RALGAPB: variants seen among roughly 807,000 people sequenced by gnomAD.
RALGAPB encodes Ral GTPase activating protein non-catalytic subunit beta, also known as ral GTPase-activating protein subunit beta.
In RALGAPB, 25 loss-of-function variants were observed where a neutral mutation model predicts 161.1. The ratio of observed to expected loss-of-function variants is 0.16; its 90% CI spans 0.11 to 0.22. The LOEUF (loss-of-function observed/expected upper bound fraction) is 0.22. Among genes scored for constraint, RALGAPB ranks in the 10% least tolerant of loss-of-function variants. RALGAPB has a pLI of 1.00. For missense variants in RALGAPB, 1,391 were observed against 1,815.2 expected, an observed-to-expected ratio of 0.77 and a Z score of 4.25; for synonymous variants, 629 against 626.1, an observed-to-expected ratio of 1.00 and a Z score of -0.07.
chr20:38,533,400 C>T (rs987366376), intron 15 of RALGAPB, among the ~76,000 whole-genome samples: 4 of 152,174 alleles, frequency 2.6e-5, no homozygotes, highest in African/African-American at 7.2e-5. Flanking sequence ...CAAGGTTGTC[C>T]CCTACCTTGG....
intron 22 of RALGAPB, 93 bp downstream of exon 22, chr20:38,554,169 TAA>T (rs202236409): frequency 7.4e-4 from 641 of 862,964 alleles, no homozygotes; most frequent in Non-Finnish European, 9.2e-4. Flanking sequence ...AGAAGCGAAT[TAA>T]AAAAAAAAAA....
chr20:38,562,742 A>G (rs2087829481), intron 24 of RALGAPB, 45 bp downstream of exon 24: 1 of 1,535,642 alleles, frequency 6.5e-7, no homozygotes, highest in African/African-American at 1.4e-5. Flanking sequence ...CTTGTTTGTT[A>G]GTCTTGTTTT....
chr20:38,546,384 C>T lies in RALGAPB; in HGVS notation c.2856C>T (p.Asn952=). The change falls in exon 19 of 30, where the codon AAC becomes AAT. Residue 952 remains asparagine (N), a synonymous_variant. Coordinates refer to ENST00000262879, the MANE Select transcript of RALGAPB (RefSeq NM_020336.4). ...GTTTCCGGTACTTTGTCTTGGATAA[C>T]AGTGTCATCCTGGCAATGCTGGAAC... ...KHSFRYFVLD[N]SVILAMLEQP... 6.2e-7 allele frequency: 1 copy of T among 1,614,068 alleles called. No individual in the cohort carries two copies.
intron 23 of RALGAPB, among the ~76,000 whole-genome samples, chr20:38,560,070 G>A (rs1275469134): frequency 1.3e-5 from 2 of 151,878 alleles, no homozygotes; most frequent in Non-Finnish European, 2.9e-5. Flanking sequence ...CAAATGATTT[G>A]TGAGCTCCTA....
intron 6 of RALGAPB, among the ~76,000 whole-genome samples, chr20:38,514,336 TA>T: frequency 6.6e-6 from 1 of 152,336 alleles, no homozygotes; most frequent in South Asian, 2.1e-4. Context: ...AGTCTCTTGA[TA>T]ACTGCCCAGT....
rs1383145634 is a variant in RALGAPB at position 38,569,831 on chromosome 20, G to A, written c.3955-57G>A. 24 of 1,365,108 alleles carry A rather than the reference G, an allele frequency of 1.8e-5. No homozygotes were observed. The East Asian group carries it at 4.6e-4, about 26-fold the overall frequency. The allele number at this position is 1,365,108 out of a possible 1,614,324, so 84.6% of individuals were successfully genotyped here. ...ATGAATGACTGGGTAGTTTTATTAA[G>A]CCAGTTTTTTGTTGCTGTTGTTTTT... On this transcript the variant is annotated intron_variant, in intron 26 of 29. Coordinates refer to ENST00000262879, the MANE Select transcript of RALGAPB (RefSeq NM_020336.4).
chr20:38,485,761 G>A lies in RALGAPB; in HGVS notation c.-30-2642G>A, dbSNP rs115408686. On this transcript the variant is annotated intron_variant, in intron 1 of 29. Transcript: ENST00000262879. ...TTTGTTAGTTTAATAGGTACAAAAT[G>A]ATACTTTAGTTGCCTTTGTGTTTTT... is the stretch of plus-strand genomic sequence containing the variant. 4.2e-3 allele frequency among the ~76,000 whole-genome samples: 643 copies of A among 152,178 alleles called. 3 individuals carry two copies. The highest frequency in any genetic ancestry group is 0.015 in the African/African-American group (619 of 41,524).
intron 11 of RALGAPB, 129 bp downstream of exon 11, chr20:38,525,074 A>G (rs1225101384): frequency 1.1e-6 from 1 of 939,398 alleles, no homozygotes; most frequent in Non-Finnish European, 1.6e-6. Flanking sequence ...GGCGACATTA[A>G]ATGAGTGTAG....
intron 6 of RALGAPB, among the ~76,000 whole-genome samples, chr20:38,513,276 G>A (rs144637064): frequency 5.9e-5 from 9 of 151,966 alleles, no homozygotes; most frequent in Non-Finnish European, 1.0e-4. Context: ...GGCCAAGGTG[G>A]GCGGATCCCT....
intron 24 of RALGAPB, 55 bp from the exon 25 acceptor site, chr20:38,565,304 A>G: frequency 1.3e-6 from 2 of 1,587,504 alleles, no homozygotes; most frequent in Admixed American, 1.8e-5. Context: ...GCAAGATGAT[A>G]CTGGTTTTTT....
At chr20:38,486,810 T>C (rs2085128164) in intron 1 of RALGAPB, among the ~76,000 whole-genome samples, 1 of 152,220 alleles carries the variant, frequency 6.6e-6, no homozygotes, top group South Asian at 2.1e-4. Context: ...TGGACACACT[T>C]TAGTGGAATA....
At chr20:38,495,298 A>AT (rs967751331) in intron 3 of RALGAPB, among the ~76,000 whole-genome samples, 44 of 148,742 alleles carry the variant, frequency 3.0e-4, no homozygotes, top group East Asian at 7.8e-4. Flanking sequence ...CATCAGTTTG[A>AT]TTTTTTTTTT....
chr20:38,528,515 C>T (rs887725246), intron 13 of RALGAPB, among the ~76,000 whole-genome samples: 3 of 151,804 alleles, frequency 2.0e-5, no homozygotes, highest in Non-Finnish European at 4.4e-5. Context: ...GGACCACAGG[C>T]GTGTGCCACC....
rs1312264822 is a variant in RALGAPB at position 38,510,676 on chromosome 20, C to T, written c.872+1468C>T. ...CTGTAATCCCAGCACTTTGGGAGGC[C>T]GAGGCGGGCGGATCACGAGGTCAGG... is the stretch of plus-strand genomic sequence containing the variant. On this transcript the variant is annotated intron_variant, in intron 6 of 29. Transcript: ENST00000262879. Among the ~76,000 whole-genome samples the T allele has an allele frequency of 3.3e-5, 4 of 119,958 alleles. 1 individual carries two copies. The highest frequency in any genetic ancestry group is 1.3e-4 in the African/African-American group (2 of 15,088). 78.7% of individuals were successfully genotyped at this position (119,958 alleles called of 152,430 possible).
chr20:38,516,445 T>A (rs139724757), intron 7 of RALGAPB, 75 bp downstream of exon 7: 2 of 1,297,784 alleles, frequency 1.5e-6, no homozygotes, highest in African/African-American at 3.0e-5. Context: ...CTAGGAGTTA[T>A]TAGAAAACAT....
chr20:38,520,010 G>A (rs2086241737), intron 9 of RALGAPB, among the ~76,000 whole-genome samples: 1 of 152,140 alleles, frequency 6.6e-6, no homozygotes, highest in Non-Finnish European at 1.5e-5. Context: ...CTTTGTAGTT[G>A]TGTAATTTTC....
At chr20:38,487,977 A>G (rs1317925429) in intron 1 of RALGAPB, among the ~76,000 whole-genome samples, 1 of 152,106 alleles carries the variant, frequency 6.6e-6, no homozygotes, top group Non-Finnish European at 1.5e-5. Context: ...GAGGCAGGAG[A>G]ATTGCTTGAA....
rs149107741 is a variant in RALGAPB at position 38,552,434 on chromosome 20, C to T, written c.3162+1211C>T. On this transcript the variant is annotated intron_variant, in intron 21 of 29. Transcript: ENST00000262879. ...GCTGAGAATTACAGGTGTAAGCCAT[C>T]GCACCCGGCCAGAAAAGGCTAGTTT... Among the ~76,000 whole-genome samples the T allele has an allele frequency of 2.7e-3, 406 of 152,230 alleles. 1 individual carries two copies. Among genetic ancestry groups the T allele is most frequent in the African/African-American group, 9.3e-3 (385 of 41,546 alleles).
intron 20 of RALGAPB, among the ~76,000 whole-genome samples, chr20:38,549,549 A>AT (rs869239679): frequency 0.03 from 3,878 of 130,920 alleles, 90 homozygotes; most frequent in South Asian, 0.066. Flanking sequence ...AAAAAAAAAA[A>AT]ATATATATAT....
Sources: allele counts gnomAD v4.1 joint callset (sites outside exome capture counted in the v4.1 genomes callset), GRCh38; gene constraint gnomAD v4.1.1; transcripts MANE v1.5; gene names NCBI Gene and HGNC (gene_info 2026-07-23, HGNC 2026-07-21).